The following KANK1 variants were observed in gnomAD, a reference collection of about 807,000 sequenced individuals.
KANK1 encodes the protein KN motif and ankyrin repeat domains 1, also known as KN motif and ankyrin repeat domain-containing protein 1.
Under a neutral mutation model 106.2 loss-of-function variants are expected in KANK1, and 109 were observed. The ratio of observed to expected loss-of-function variants is 1.03; its 90% confidence interval spans 0.88 to 1.20. The LOEUF (loss-of-function observed/expected upper bound fraction) is 1.20. Ranked by LOEUF, KANK1 falls within the 50% of genes most tolerant of loss-of-function variation. The pLI is 0.00. For missense variants in KANK1, 2,399 were observed against 1,710.7 expected, an observed-to-expected ratio of 1.40 and a Z score of -7.10; for synonymous variants, 873 against 652.2, an observed-to-expected ratio of 1.34 and a Z score of -5.16.
At chr9:684,501 A>C in intron 2 of KANK1, 1 of 985,410 alleles carries the variant, frequency 1.0e-6, no homozygotes, top group Non-Finnish European at 1.2e-6. Flanking sequence ...GTAGCCAGTC[A>C]AAGGGTTAAA....
chr9:738,663 A>G (rs980485642), intron 8 of KANK1, among the ~76,000 whole-genome samples, 159 bp downstream of exon 8: 6 of 152,232 alleles, frequency 3.9e-5, no homozygotes, highest in South Asian at 2.1e-4. Context: ...TGAGTCATTC[A>G]TAAGAGGCTT....
chr9:632,223 C>T lies in KANK1; in HGVS notation c.-83-44667C>T, dbSNP rs113529478. Among the ~76,000 whole-genome samples the T allele has an allele frequency of 7.1e-4, 108 of 152,216 alleles. 1 individual carries two copies. The highest frequency in any genetic ancestry group is 2.5e-3 in the African/African-American group (102 of 41,514). On this transcript the variant is annotated intron_variant, in intron 1 of 11. Transcript: ENST00000382297. ...TTTAACATCAGATATTGGCAGCCAG[C>T]TTTTCCAGATTTTCTTGGCCAAAAA... is the stretch of plus-strand genomic sequence containing the variant.
chr9:728,895 T>C (rs1831468243), intron 3 of KANK1, among the ~76,000 whole-genome samples: 1 of 152,218 alleles, frequency 6.6e-6, no homozygotes, highest in African/African-American at 2.4e-5. Context: ...CTTCCACCTT[T>C]CTAAACTAGT....
At position 508,121 on chromosome 9, in the gene KANK1, C is replaced by CTTTTT. The variant is rs71314711; in HGVS notation, c.-84+3397_-84+3401dup. ...ACAGGTGTGAGACACCCTGCTCAGC[C>CTTTTT]TTTTTTTTTTTTTTTTTTTTTTTTT... On this transcript the variant is annotated intron_variant, in intron 1 of 11. Transcript: ENST00000382297. 1.7e-3 allele frequency among the ~76,000 whole-genome samples: 67 copies of CTTTTT among 39,180 alleles called. 1 individual carries two copies. Among genetic ancestry groups the CTTTTT allele is most frequent in the East Asian group, 3.5e-3 (4 of 1,152 alleles). 25.7% of individuals were successfully genotyped at this position (39,180 alleles called of 152,430 possible).
chr9:609,402 CG>C (rs1588217527), intron 1 of KANK1, among the ~76,000 whole-genome samples: 1 of 152,082 alleles, frequency 6.6e-6, no homozygotes, highest in East Asian at 1.9e-4. Context: ...CCGAGGAGGG[CG>C]GATCACCTGA....
At position 684,212 on chromosome 9, in the gene KANK1, A is replaced by G. The variant is rs537795070; in HGVS notation, c.37+7203A>G. ...TTGAGCCAGTCATAATGGCTTAAGCATCAGATTTCAGACAGGCGATTAGCT... is the reference window on the plus strand; with the variant it reads ...TTGAGCCAGTCATAATGGCTTAAGCGTCAGATTTCAGACAGGCGATTAGCT... On this transcript the variant is annotated intron_variant, in intron 2 of 11. Coordinates refer to ENST00000382297, the MANE Select transcript of KANK1 (RefSeq NM_015158.5). 3 of 985,420 alleles carry G rather than the reference A, an allele frequency of 3.0e-6. No homozygotes were observed. The African/African-American group carries it at 5.2e-5, about 17-fold the overall frequency. The allele number at this position is 985,420 out of a possible 1,614,324, so 61.0% of individuals were successfully genotyped here. A position where few individuals can be genotyped will look rare whatever the true frequency, so the allele number is the denominator to read the frequency against.
At chr9:678,159 C>T (rs1416399434) in intron 2 of KANK1, among the ~76,000 whole-genome samples, 1 of 152,184 alleles carries the variant, frequency 6.6e-6, no homozygotes, top group Non-Finnish European at 1.5e-5. Context: ...GATGACTGAT[C>T]TTTCCCTGTC....
At chr9:635,671 A>C (rs1588451453) in intron 1 of KANK1, among the ~76,000 whole-genome samples, 1 of 136,314 alleles carries the variant, frequency 7.3e-6, no homozygotes. Context: ...CCCTTCATCC[A>C]TTTACCCACA....
At chr9:678,260 G>A (rs1239475410) in intron 2 of KANK1, among the ~76,000 whole-genome samples, 3 of 152,122 alleles carry the variant, frequency 2.0e-5, no homozygotes, top group Non-Finnish European at 1.5e-5. Context: ...AGACATGAAT[G>A]ATAATATCTA....
intron 2 of KANK1, chr9:693,542 G>T (rs886858838): frequency 1.0e-6 from 1 of 985,402 alleles, no homozygotes; most frequent in South Asian, 4.7e-5. Flanking sequence ...TTAAGATCTT[G>T]CTAGCAGTTT....
chr9:725,788 GTTC>G (rs1322562331), intron 3 of KANK1, among the ~76,000 whole-genome samples: 5 of 152,040 alleles, frequency 3.3e-5, no homozygotes, highest in Non-Finnish European at 7.4e-5. Context: ...CTTGTTATTC[GTTC>G]TTTTTCTTCA....
intron 1 of KANK1, among the ~76,000 whole-genome samples, chr9:557,205 A>AAAC (rs2061648366): frequency 6.7e-6 from 1 of 148,582 alleles, no homozygotes; most frequent in Admixed American, 6.7e-5. Context: ...AAAAAAAAAA[A>AAAC]AAATTTATTC....
At chr9:476,375 G>C (rs1027057895) in intron 3 of KANK1, among the ~76,000 whole-genome samples, 3 of 152,016 alleles carry the variant, frequency 2.0e-5, no homozygotes, top group Non-Finnish European at 4.4e-5. Context: ...ACAAACATTA[G>C]CCGAGCATGG....
rs1453343061 is a variant in KANK1 at position 713,182 on chromosome 9, G to C, written c.2416G>C (p.Glu806Gln). Residue 806 changes from glutamate to glutamine, a missense_variant, in exon 3 of 12, where the codon GAA (glutamate) becomes CAA (glutamine). By Grantham distance (29) the Glu-to-Gln change is conservative (BLOSUM62 2). Coordinates refer to ENST00000382297, the MANE Select transcript of KANK1 (RefSeq NM_015158.5). Reference sequence around the variant, plus strand: ...GGGGGTTGGGGATGACCCTGTAGGGGAATCTCTGGAGAACCCCCAGCCTCA... The same window carrying C: ...GGGGGTTGGGGATGACCCTGTAGGGCAATCTCTGGAGAACCCCCAGCCTCA... ...SVGVGDDPVG[E>Q]SLENPQPQAP... 3.8e-6 allele frequency: 6 copies of C among 1,585,134 alleles called. No individual in the cohort carries two copies. Among genetic ancestry groups the C allele is most frequent in the African/African-American group, 1.3e-5 (1 of 74,334 alleles).
chr9:646,063 A>T (rs1452150910), intron 1 of KANK1, among the ~76,000 whole-genome samples: 2 of 151,032 alleles, frequency 1.3e-5, no homozygotes, highest in African/African-American at 5.0e-5. Context: ...CAGGGTAGAC[A>T]TCTAATAAAG....
chr9:605,092 A>G (rs984742539), intron 1 of KANK1, among the ~76,000 whole-genome samples: 5 of 151,594 alleles, frequency 3.3e-5, no homozygotes, highest in African/African-American at 1.2e-4. Context: ...TCACATGGTC[A>G]GGAGTTTGAG....
chr9:615,915 A>G (rs755872556), intron 1 of KANK1, among the ~76,000 whole-genome samples: 2 of 152,166 alleles, frequency 1.3e-5, no homozygotes, highest in Non-Finnish European at 2.9e-5. Context: ...CCAGGATCCA[A>G]AGGTGGTGCC....
At position 744,543 on chromosome 9, in the gene KANK1, C is replaced by G; in HGVS notation, c.3950C>G (p.Ala1317Gly). The change falls in exon 11 of 12, where the codon GCT (alanine) becomes GGT (glycine). Residue 1317 changes from alanine (A) to glycine (G), a missense_variant. Transcript: ENST00000382297. ...CTGGAAGCAGGACACAAGGACATCG[C>G]TGTTCTTCTGTATGCCCATGTCAAC... ...IALEAGHKDI[A>G]VLLYAHVNFA... is the part of the protein sequence containing the mutation. 6.2e-7 allele frequency: 1 copy of G among 1,614,122 alleles called. No homozygotes were observed. The highest frequency in any genetic ancestry group is 1.3e-5 in the African/African-American group (1 of 75,038).
chr9:591,659 A>G (rs755631627), intron 1 of KANK1, among the ~76,000 whole-genome samples: 8 of 151,700 alleles, frequency 5.3e-5, no homozygotes, highest in East Asian at 1.9e-4. Context: ...GCACTTGTCA[A>G]TATGCAATTA....
Sources: allele counts gnomAD v4.1 joint callset (sites outside exome capture counted in the v4.1 genomes callset), GRCh38; gene constraint gnomAD v4.1.1; transcripts MANE v1.5; gene names NCBI Gene and HGNC (gene_info 2026-07-23, HGNC 2026-07-21).